NRXN3: variants seen among roughly 807,000 people sequenced by gnomAD.
NRXN3 encodes the protein neurexin III.
A neutral mutation model predicts 137.6 loss-of-function variants in NRXN3; 32 were observed. The ratio of observed to expected loss-of-function variants is 0.23; its 90% CI spans 0.18 to 0.31. The LOEUF (loss-of-function observed/expected upper bound fraction) is 0.31. Among genes scored for constraint, NRXN3 ranks in the 10% least tolerant of loss-of-function variants. NRXN3 has a pLI of 1.00. For synonymous variants in NRXN3, 798 were observed against 784.5 expected (o/e 1.02, Z -0.29); for missense variants, 1,574 against 2,062.5 (o/e 0.76, Z 4.59).
chr14:79,586,706 TGTG>T (rs1363438610), intron 16 of NRXN3, among the ~76,000 whole-genome samples: 1 of 152,240 alleles, frequency 6.6e-6, no homozygotes, highest in Non-Finnish European at 1.5e-5. Flanking sequence ...CTTGAAATTC[TGTG>T]AACATTTAAG....
At chr14:79,573,008 A>G (rs1173664550) in intron 16 of NRXN3, 3 of 152,234 alleles carry the variant, frequency 2.0e-5, no homozygotes, top group African/African-American at 7.2e-5. Context: ...TATATAAGTA[A>G]GGGTGAGTTT....
intron 16 of NRXN3, among the ~76,000 whole-genome samples, chr14:79,488,713 T>C (rs1214536032): frequency 1.3e-5 from 2 of 152,124 alleles, no homozygotes; most frequent in African/African-American, 4.8e-5. Context: ...AGGAGGAAAT[T>C]AAAGAAAATT....
At chr14:79,388,400 A>G (rs2094717096) in intron 15 of NRXN3, among the ~76,000 whole-genome samples, 1 of 151,486 alleles carries the variant, frequency 6.6e-6, no homozygotes, top group Non-Finnish European at 1.5e-5. Context: ...TTTTATATTT[A>G]GATGCTACTA....
In NRXN3 at chr14:79,471,357, C is replaced by G. The variant is rs141872198; in HGVS notation, c.3444+3955C>G. On this transcript the variant is annotated intron_variant, in intron 16 of 20. Coordinates refer to ENST00000335750, the MANE Select transcript of NRXN3 (RefSeq NM_001330195.2). Reference sequence around the variant, plus strand: ...GAGATCTAGCTTCCATTAGTCATGTCTGCCACATGTGCCGATGTGAGGTTT... The same window carrying G: ...GAGATCTAGCTTCCATTAGTCATGTGTGCCACATGTGCCGATGTGAGGTTT... 4.3e-3 allele frequency among the ~76,000 whole-genome samples: 651 copies of G among 152,300 alleles called. 6 individuals are homozygous for G. Among genetic ancestry groups the G allele is most frequent in the African/African-American group, 0.015 (617 of 41,572 alleles).
At chr14:78,379,390 A>G (rs2088599621) in intron 4 of NRXN3, among the ~76,000 whole-genome samples, 1 of 152,244 alleles carries the variant, frequency 6.6e-6, no homozygotes, top group African/African-American at 2.4e-5. Context: ...CAATTCAGCA[A>G]TATGTAAAAA....
chr14:79,362,693 T>C (rs1472703077), intron 15 of NRXN3, among the ~76,000 whole-genome samples: 1 of 152,162 alleles, frequency 6.6e-6, no homozygotes, highest in Non-Finnish European at 1.5e-5. Flanking sequence ...TGCCAAGAAA[T>C]CAGACCTAGG....
chr14:78,330,925 T>C (rs2080741597), intron 4 of NRXN3, among the ~76,000 whole-genome samples: 1 of 152,206 alleles, frequency 6.6e-6, no homozygotes, highest in Admixed American at 6.5e-5. Context: ...TTGCCCCTTA[T>C]TAAATAAAAT....
intron 15 of NRXN3, among the ~76,000 whole-genome samples, chr14:79,351,319 C>G (rs191548484): frequency 2.0e-5 from 3 of 152,250 alleles, no homozygotes; most frequent in Admixed American, 6.5e-5. Flanking sequence ...AATGTATAAT[C>G]TTGGACAAAT....
At chr14:79,265,184 A>G (rs957132185) in intron 15 of NRXN3, among the ~76,000 whole-genome samples, 1 of 149,124 alleles carries the variant, frequency 6.7e-6, no homozygotes, top group Non-Finnish European at 1.5e-5. Context: ...ACAACCAAAA[A>G]TCTCTTCCAC....
At position 79,212,063 on chromosome 14, in the gene NRXN3, C is replaced by T. The variant is rs376420797; in HGVS notation, c.3262+223922C>T. 9.3e-4 allele frequency among the ~76,000 whole-genome samples: 141 copies of T among 152,252 alleles called. 3 individuals are homozygous for T. The East Asian group carries it at 0.021, about 23-fold the overall frequency. ...CCAATCTTGGCTTAAAGGGCAACTT[C>T]CTGTGCATGTTCAGGAATCTGTGGC... is the stretch of plus-strand genomic sequence containing the variant. On this transcript the variant is annotated intron_variant, in intron 15 of 20. Coordinates refer to ENST00000335750, the MANE Select transcript of NRXN3 (RefSeq NM_001330195.2).
At chr14:79,294,729 G>T (rs2083757142) in intron 15 of NRXN3, among the ~76,000 whole-genome samples, 1 of 152,126 alleles carries the variant, frequency 6.6e-6, no homozygotes, top group African/African-American at 2.4e-5. Flanking sequence ...GTTTGCAAAA[G>T]AAATGCATTG....
intron 15 of NRXN3, among the ~76,000 whole-genome samples, chr14:79,191,165 C>T (rs2064254943): frequency 6.6e-6 from 1 of 152,144 alleles, no homozygotes; most frequent in Non-Finnish European, 1.5e-5. Flanking sequence ...GCATGAGACA[C>T]ATGAAGTAAT....
chr14:79,220,096 T>C (rs1012251182), intron 15 of NRXN3, among the ~76,000 whole-genome samples: 1 of 152,230 alleles, frequency 6.6e-6, no homozygotes, highest in Admixed American at 6.5e-5. Context: ...TTTCACGTTA[T>C]GTTGGAAAAC....
intron 17 of NRXN3, among the ~76,000 whole-genome samples, chr14:79,670,146 G>T (rs2098598939): frequency 6.6e-6 from 1 of 152,022 alleles, no homozygotes. Flanking sequence ...GAGGCTATAG[G>T]TTAGAGGCTA....
chr14:78,599,075 A>C lies in NRXN3; in HGVS notation c.758-46045A>C, dbSNP rs190367718. On this transcript the variant is annotated intron_variant, in intron 4 of 20. Transcript: ENST00000335750. Reference sequence around the variant, plus strand: ...AATTTATGGAGAGGCTGAAGAGGTTAGTGGAATGAGAAGAGATGCAGCATG... The same window carrying C: ...AATTTATGGAGAGGCTGAAGAGGTTCGTGGAATGAGAAGAGATGCAGCATG... Among the ~76,000 whole-genome samples, 354 of 152,362 alleles carry C rather than the reference A, an allele frequency of 2.3e-3. 4 individuals are homozygous for C. The highest frequency in any genetic ancestry group is 0.014 in the Middle Eastern group (4 of 294).
intron 6 of NRXN3, among the ~76,000 whole-genome samples, chr14:78,678,310 T>C (rs1285828880): frequency 6.6e-6 from 1 of 151,834 alleles, no homozygotes. Context: ...TGTTACTTCA[T>C]GCTCCATACT....
intron 2 of NRXN3, among the ~76,000 whole-genome samples, chr14:78,246,253 G>A (rs1197024479): frequency 6.6e-6 from 1 of 152,158 alleles, no homozygotes; most frequent in Non-Finnish European, 1.5e-5. Flanking sequence ...TATACAATTT[G>A]CTTTTCTCTT....
intron 15 of NRXN3, among the ~76,000 whole-genome samples, chr14:79,071,822 A>G (rs1019542811): frequency 3.3e-5 from 5 of 152,196 alleles, no homozygotes; most frequent in African/African-American, 9.7e-5. Flanking sequence ...CTAAAAAAGC[A>G]TAATTGGATT....
chr14:78,392,697 G>T (rs1246810874), intron 4 of NRXN3, among the ~76,000 whole-genome samples: 1 of 152,068 alleles, frequency 6.6e-6, no homozygotes, highest in Admixed American at 6.6e-5. Context: ...GTCAATAAAT[G>T]TTGGCTATTA....
Sources: allele counts gnomAD v4.1 joint callset (sites outside exome capture counted in the v4.1 genomes callset), GRCh38; gene constraint gnomAD v4.1.1; transcripts MANE v1.5; gene names NCBI Gene and HGNC (gene_info 2026-07-23, HGNC 2026-07-21).